Variants in PRKAR1B observed in about 807,000 individuals in gnomAD.
The protein encoded by PRKAR1B is cAMP-dependent protein kinase type I-beta regulatory subunit.
Under a neutral mutation model 46.5 loss-of-function variants are expected in PRKAR1B, and 22 were observed. The ratio of observed to expected loss-of-function variants is 0.47; its 90% CI spans 0.34 to 0.68. The LOEUF (loss-of-function observed/expected upper bound fraction) is 0.68. Ranked by LOEUF, PRKAR1B falls within the 30% of genes least tolerant of loss-of-function variation. The pLI, the probability that PRKAR1B is intolerant of heterozygous loss-of-function variation, is 0.01. For missense variants in PRKAR1B, 445 were observed against 535.6 expected (o/e 0.83, Z 1.67); for synonymous variants, 259 against 217.7 (o/e 1.19, Z -1.67).
intron 6 of PRKAR1B, among the ~76,000 whole-genome samples, chr7:598,979 T>A (rs1781437464): frequency 6.6e-6 from 1 of 152,224 alleles, no homozygotes; most frequent in Non-Finnish European, 1.5e-5. Flanking sequence ...ACCTCCCAGC[T>A]TTCTGGGATT....
At chr7:631,817 C>T (rs1783761403) in intron 4 of PRKAR1B, among the ~76,000 whole-genome samples, 1 of 151,966 alleles carries the variant, frequency 6.6e-6, no homozygotes, top group Non-Finnish European at 1.5e-5. Context: ...ATTAGCCAGG[C>T]ATGATGCCAT....
At chr7:596,603 C>A (rs2128456938) in intron 6 of PRKAR1B, among the ~76,000 whole-genome samples, 1 of 152,362 alleles carries the variant, frequency 6.6e-6, no homozygotes, top group South Asian at 2.1e-4. Context: ...CGCACCCGGC[C>A]CCCGCTCTGC....
intron 4 of PRKAR1B, among the ~76,000 whole-genome samples, chr7:636,483 A>G (rs1323257145): frequency 6.6e-6 from 1 of 151,758 alleles, no homozygotes; most frequent in Non-Finnish European, 1.5e-5. Flanking sequence ...TGCCCACCGG[A>G]TGCTGGGGCT....
At chr7:617,143 A>G (rs71518323) in intron 4 of PRKAR1B, among the ~76,000 whole-genome samples, 114,293 of 151,594 alleles carry the variant, frequency 0.75, 43,588 homozygotes, top group South Asian at 0.9. Context: ...ACAAGCACAC[A>G]CTGCCATGCC....
intron 9 of PRKAR1B, among the ~76,000 whole-genome samples, chr7:570,508 A>T (rs1198617626): frequency 6.6e-6 from 1 of 151,524 alleles, no homozygotes; most frequent in African/African-American, 2.4e-5. Context: ...CTCCTACTTC[A>T]ATACCCGTCC....
chr7:563,834 C>T (rs780810010), intron 9 of PRKAR1B, among the ~76,000 whole-genome samples: 5 of 150,958 alleles, frequency 3.3e-5, no homozygotes, highest in East Asian at 2.0e-4. Context: ...CATGTGCACA[C>T]GGATCAGTGT....
chr7:611,496 C>T (rs966129941), intron 4 of PRKAR1B, among the ~76,000 whole-genome samples: 5 of 152,234 alleles, frequency 3.3e-5, no homozygotes, highest in Non-Finnish European at 2.9e-5. Flanking sequence ...GATCACAAAC[C>T]TTTTGAAAGC....
chr7:628,569 G>A (rs1333688539), intron 4 of PRKAR1B, among the ~76,000 whole-genome samples: 1 of 152,238 alleles, frequency 6.6e-6, no homozygotes, highest in African/African-American at 2.4e-5. Context: ...GGGGCTCGAT[G>A]GGACCAGTCG....
At chr7:682,172 C>A (rs970125110) in intron 2 of PRKAR1B, among the ~76,000 whole-genome samples, 3 of 152,276 alleles carry the variant, frequency 2.0e-5, no homozygotes, top group South Asian at 4.1e-4. Context: ...GGGTAGCTCA[C>A]AGGGACCACA....
intron 7 of PRKAR1B, among the ~76,000 whole-genome samples, chr7:586,703 T>A (rs1311889010): frequency 6.6e-6 from 1 of 152,182 alleles, no homozygotes; most frequent in Non-Finnish European, 1.5e-5. Context: ...CACAGCTAAC[T>A]AATACATCCA....
At chr7:631,084 T>C (rs1473244563) in intron 4 of PRKAR1B, among the ~76,000 whole-genome samples, 1 of 152,026 alleles carries the variant, frequency 6.6e-6, no homozygotes, top group Non-Finnish European at 1.5e-5. Context: ...CCCGAGTAAC[T>C]GGGATTACAG....
intron 9 of PRKAR1B, among the ~76,000 whole-genome samples, chr7:563,394 C>T (rs2128427484): frequency 6.6e-6 from 1 of 152,396 alleles, no homozygotes; most frequent in Non-Finnish European, 1.5e-5. Context: ...GGAAGGGGTG[C>T]CACTGCTGAG....
intron 4 of PRKAR1B, among the ~76,000 whole-genome samples, chr7:636,947 G>C (rs188297553): frequency 2.0e-5 from 3 of 152,282 alleles, no homozygotes; most frequent in South Asian, 2.1e-4. Flanking sequence ...TGCTGAAGGT[G>C]GGGGGTGGGG....
At chr7:582,616 A>C (rs889212195) in intron 8 of PRKAR1B, among the ~76,000 whole-genome samples, 3 of 152,254 alleles carry the variant, frequency 2.0e-5, no homozygotes, top group Admixed American at 1.3e-4. Flanking sequence ...CCCGGGACGC[A>C]GGAAGCAAGA....
At chr7:688,156 T>C (rs1779201148) in intron 2 of PRKAR1B, among the ~76,000 whole-genome samples, 1 of 146,690 alleles carries the variant, frequency 6.8e-6, no homozygotes, top group African/African-American at 2.5e-5. Context: ...ACCCCAGCAC[T>C]TTGGGAGGCC....
intron 4 of PRKAR1B, among the ~76,000 whole-genome samples, chr7:619,550 C>T (rs548934618): frequency 2.6e-5 from 4 of 152,210 alleles, no homozygotes; most frequent in Non-Finnish European, 2.9e-5. Flanking sequence ...GGATTCAAAA[C>T]CGGGTGATCT....
At chr7:698,635 C>T (rs1416770799) in intron 2 of PRKAR1B, among the ~76,000 whole-genome samples, 1 of 151,812 alleles carries the variant, frequency 6.6e-6, no homozygotes, top group Non-Finnish European at 1.5e-5. Flanking sequence ...AGCGTGTACA[C>T]ATGCATGCAA....
chr7:728,732 C>T (rs951627529), upstream of PRKAR1B, among the ~76,000 whole-genome samples: 2 of 152,224 alleles, frequency 1.3e-5, no homozygotes, highest in African/African-American at 4.8e-5. Context: ...CCAAGCGCAG[C>T]CTGCTGGGGT....
intron 2 of PRKAR1B, among the ~76,000 whole-genome samples, chr7:705,242 G>A (rs1780260872): frequency 6.6e-6 from 1 of 150,722 alleles, no homozygotes; most frequent in African/African-American, 2.5e-5. Flanking sequence ...AGCAGAGGCT[G>A]CAGTAAACCG....
Sources: gnomAD v4.1 joint callset for allele counts (sites outside exome capture counted in the v4.1 genomes callset) on GRCh38, gnomAD v4.1.1 for gene constraint, MANE v1.5 for transcripts, NCBI Gene and HGNC (gene_info 2026-07-23, HGNC 2026-07-21) for gene names.